Variants in CCSER1 observed in about 807,000 individuals in gnomAD.
CCSER1 encodes coiled-coil serine rich protein 1, also known as serine-rich coiled-coil domain-containing protein 1.
Under a neutral mutation model 82.0 loss-of-function variants are expected in CCSER1, and 41 were observed. The observed-to-expected ratio is 0.50, with a 90% confidence interval of 0.39 to 0.65. CCSER1 has a LOEUF of 0.65. CCSER1 is among the 30% of genes least tolerant of loss of function. The pLI is 0.00. For missense variants in CCSER1, 1,119 were observed against 1,064.2 expected, an observed-to-expected ratio of 1.05 and a Z score of -0.72; for synonymous variants, 414 against 383.9, an observed-to-expected ratio of 1.08 and a Z score of -0.92.
At chr4:90,933,401 A>G (rs1044843088) in intron 9 of CCSER1, among the ~76,000 whole-genome samples, 6 of 151,402 alleles carry the variant, frequency 4.0e-5, no homozygotes, top group Non-Finnish European at 5.9e-5. Context: ...GTTAGCCAGG[A>G]TGGTCTCAAT....
intron 10 of CCSER1, among the ~76,000 whole-genome samples, chr4:91,222,085 TCACATATA>T (rs1016177494): frequency 1.8e-4 from 27 of 151,664 alleles, no homozygotes; most frequent in Non-Finnish European, 1.3e-4. Flanking sequence ...GTTATCTCCA[TCACATATA>T]CACATATATA....
intron 10 of CCSER1, among the ~76,000 whole-genome samples, chr4:91,277,829 T>G (rs955274371): frequency 1.3e-5 from 2 of 152,036 alleles, no homozygotes; most frequent in Non-Finnish European, 2.9e-5. Context: ...GTTACAAACT[T>G]GCATTTTAAC....
chr4:91,132,517 C>T lies in CCSER1; in HGVS notation c.2217+46523C>T, dbSNP rs769657920. 4.6e-5 allele frequency among the ~76,000 whole-genome samples: 7 copies of T among 152,144 alleles called. No homozygotes were observed. The South Asian group carries it at 6.2e-4, about 13-fold the overall frequency. ...TAAAATGAGATCTGAAGAATGTATT[C>T]GTTAATTCTGCAGGTACAATTACCA... On this transcript the variant is annotated intron_variant, in intron 10 of 10. Coordinates refer to ENST00000509176, the MANE Select transcript of CCSER1 (RefSeq NM_001145065.2).
At chr4:90,919,586 C>T (rs772080115) in intron 8 of CCSER1, among the ~76,000 whole-genome samples, 1 of 151,822 alleles carries the variant, frequency 6.6e-6, no homozygotes, top group African/African-American at 2.4e-5. Context: ...AATGTGAGTA[C>T]AGTTAAGTAC....
intron 10 of CCSER1, among the ~76,000 whole-genome samples, chr4:91,530,876 G>A (rs865814354): frequency 4.0e-5 from 6 of 151,818 alleles, no homozygotes; most frequent in South Asian, 2.1e-4. Flanking sequence ...TAGCAGAGAC[G>A]GGGTTTCTCC....
intron 10 of CCSER1, among the ~76,000 whole-genome samples, chr4:91,538,707 A>ATATATATATATATATATATATATATATG (rs1761437611): frequency 3.8e-5 from 1 of 25,976 alleles, no homozygotes; most frequent in Non-Finnish European, 7.4e-5. Context: ...ACATATATAT[A>ATATATATATATATATATATATATATATG]TATAATATCT....
At chr4:91,335,641 C>A (rs1022056477) in intron 10 of CCSER1, among the ~76,000 whole-genome samples, 1 of 151,968 alleles carries the variant, frequency 6.6e-6, no homozygotes, top group African/African-American at 2.4e-5. Context: ...GGAGAGAAAA[C>A]AGAGACTTCT....
chr4:91,198,478 G>A (rs1735633243), intron 10 of CCSER1, among the ~76,000 whole-genome samples: 1 of 152,158 alleles, frequency 6.6e-6, no homozygotes, highest in Non-Finnish European at 1.5e-5. Context: ...CAATAAATGA[G>A]AGGGTTCTGT....
intron 1 of CCSER1, among the ~76,000 whole-genome samples, chr4:90,257,021 G>A (rs920938356): frequency 6.6e-6 from 1 of 151,748 alleles, no homozygotes; most frequent in Non-Finnish European, 1.5e-5. Flanking sequence ...TGTAGTTTCA[G>A]GCATCCACTG....
At chr4:90,513,188 C>T (rs756948051) in intron 5 of CCSER1, among the ~76,000 whole-genome samples, 2 of 152,156 alleles carry the variant, frequency 1.3e-5, no homozygotes, top group South Asian at 2.1e-4. Context: ...TGTTCAGTTG[C>T]GTAGGTACAC....
intron 9 of CCSER1, among the ~76,000 whole-genome samples, chr4:91,077,084 T>G (rs530623536): frequency 6.6e-6 from 1 of 152,262 alleles, no homozygotes; most frequent in Middle Eastern, 3.4e-3. Context: ...AAAGAATAAT[T>G]AGAGTGAACT....
At chr4:91,404,135 G>A (rs984078694) in intron 10 of CCSER1, among the ~76,000 whole-genome samples, 3 of 152,140 alleles carry the variant, frequency 2.0e-5, no homozygotes, top group African/African-American at 7.2e-5. Flanking sequence ...GAGGGTGTAT[G>A]TGTCCAGGAA....
chr4:91,254,601 A>G (rs368031326), intron 10 of CCSER1, among the ~76,000 whole-genome samples: 2 of 152,252 alleles, frequency 1.3e-5, no homozygotes, highest in South Asian at 4.1e-4. Context: ...TACAAGATTC[A>G]TTATGGAGTT....
At position 91,433,165 on chromosome 4, in the gene CCSER1, A is replaced by G. The variant is rs530749696; in HGVS notation, c.2218-165407A>G. 3.9e-5 allele frequency among the ~76,000 whole-genome samples: 6 copies of G among 152,224 alleles called. No homozygotes were observed. The South Asian group carries it at 1.2e-3, about 32-fold the overall frequency. On this transcript the variant is annotated intron_variant, in intron 10 of 10. Transcript: ENST00000509176. Reference sequence around the variant, plus strand: ...TTGATTAGCAATTCTTCTCTTTCAGACCCCATTAAGCTCCGTGAGATTTAG... The same window carrying G: ...TTGATTAGCAATTCTTCTCTTTCAGGCCCCATTAAGCTCCGTGAGATTTAG...
intron 10 of CCSER1, among the ~76,000 whole-genome samples, chr4:91,451,491 T>G (rs66541222): frequency 0.16 from 24,567 of 151,844 alleles, 2,607 homozygotes; most frequent in African/African-American, 0.3. Flanking sequence ...AATAAAAAAT[T>G]GTTGAACATT....
chr4:90,518,130 T>A (rs571421528), intron 5 of CCSER1, among the ~76,000 whole-genome samples: 1 of 152,146 alleles, frequency 6.6e-6, no homozygotes, highest in Non-Finnish European at 1.5e-5. Flanking sequence ...AATGATATGG[T>A]TTTAAATCTT....
intron 8 of CCSER1, among the ~76,000 whole-genome samples, chr4:90,829,537 G>A (rs1192892572): frequency 6.6e-6 from 1 of 152,180 alleles, no homozygotes; most frequent in Non-Finnish European, 1.5e-5. Context: ...ACAGCAGCCT[G>A]TCTGTATGGG....
intron 10 of CCSER1, among the ~76,000 whole-genome samples, chr4:91,463,792 G>T (rs879580181): frequency 6.6e-5 from 10 of 152,178 alleles, no homozygotes; most frequent in African/African-American, 2.4e-4. Flanking sequence ...AGTGGGAAGA[G>T]AAGTTTAGAG....
At chr4:91,078,546 G>A (rs372455278) in intron 9 of CCSER1, among the ~76,000 whole-genome samples, 33 of 152,300 alleles carry the variant, frequency 2.2e-4, no homozygotes, top group African/African-American at 6.5e-4. Flanking sequence ...GCAGCTCCTC[G>A]CCAGCAATGG....
Sources: gnomAD v4.1 joint callset for allele counts (sites outside exome capture counted in the v4.1 genomes callset) on GRCh38, gnomAD v4.1.1 for gene constraint, MANE v1.5 for transcripts, NCBI Gene and HGNC (gene_info 2026-07-23, HGNC 2026-07-21) for gene names.